CLDN6: variants seen among roughly 807,000 people sequenced by gnomAD.
CLDN6 encodes claudin 6, also known as claudin-6.
For synonymous variants in CLDN6, 144 were observed against 131.2 expected (o/e 1.10, Z -0.67); for missense variants, 279 against 284.1 (o/e 0.98, Z 0.13).
At position 3,017,994 on chromosome 16, in the gene CLDN6, C is replaced by T. The variant is rs374367976; in HGVS notation, c.-22+155G>A. ...GGAGCCCCGAAGGACCCTATCACCT[C>T]GGAGGCTTGGGCGCGGACCGGCCGA... On this transcript the variant is annotated intron_variant, in intron 1 of 1. Coordinates refer to ENST00000328796, the MANE Select transcript of CLDN6 (RefSeq NM_021195.5). Among the ~76,000 whole-genome samples the T allele has an allele frequency of 3.1e-4, 47 of 152,030 alleles. 3 individuals are homozygous for T. The East Asian group carries it at 3.7e-3, about 12-fold the overall frequency.
In CLDN6 at chr16:3,015,632, G is replaced by A; in HGVS notation, c.390C>T (p.Val130=). 6.2e-7 allele frequency: 1 copy of A among 1,613,342 alleles called. No homozygotes were observed. The highest frequency in any genetic ancestry group is 1.3e-5 in the African/African-American group (1 of 75,076). Residue 130 remains valine (V), a synonymous_variant, in exon 2 of 2, where the codon GTC becomes GTT. Transcript: ENST00000328796. ...TCCAGCACACGGGGATTAGCGTCAG[G>A]ACCCCTGAGATGACAAAGACAATCC... ...TSGIVFVISG[V]LTLIPVCWTA... is the part of the protein sequence containing the mutation.
intron 1 of CLDN6, among the ~76,000 whole-genome samples, chr16:3,016,991 G>T (rs546226291): frequency 1.3e-5 from 2 of 151,654 alleles, no homozygotes; most frequent in African/African-American, 4.9e-5. Context: ...CATCAAGTTG[G>T]CCAGGCGGGT....
At chr16:3,016,991 G>A (rs546226291) in intron 1 of CLDN6, among the ~76,000 whole-genome samples, 62 of 151,770 alleles carry the variant, frequency 4.1e-4, no homozygotes, top group Non-Finnish European at 6.6e-4. Flanking sequence ...CATCAAGTTG[G>A]CCAGGCGGGT....
Position 3,015,490 on chromosome 16 carries a change from C to CA in CLDN6, c.531dup (p.Gly178TrpfsTer36). On this transcript the variant is annotated frameshift_variant, in exon 2 of 2. Coordinates refer to ENST00000328796, the MANE Select transcript of CLDN6 (RefSeq NM_021195.5). LOFTEE classifies it low-confidence loss of function (END_TRUNC). ...GGGCAAGTGCAGCACAGCAACCCCC[C>CA]ACCCAGCAACAAAAGGCCTGAGGCC... 1 of 1,609,448 alleles carries CA rather than the reference C, an allele frequency of 6.2e-7. No homozygotes were observed. Among genetic ancestry groups the CA allele is most frequent in the Non-Finnish European group, 8.5e-7 (1 of 1,177,746 alleles).
At chr16:3,017,786 C>A (rs2151125455) in intron 1 of CLDN6, among the ~76,000 whole-genome samples, 1 of 152,058 alleles carries the variant, frequency 6.6e-6, no homozygotes, top group East Asian at 2.0e-4. Context: ...CCCGACCACC[C>A]CAGCCTGGGA....
chr16:3,017,897 CAGGTGG>C (rs565451882), intron 1 of CLDN6, among the ~76,000 whole-genome samples: 109 of 149,352 alleles, frequency 7.3e-4, no homozygotes, highest in African/African-American at 2.2e-3. Context: ...AGAGGCAAGG[CAGGTGG>C]GGGAGGGGCG....
Position 3,015,526 on chromosome 16 carries a change from A to C in CLDN6, c.496T>G (p.Leu166Val), listed in dbSNP as rs767938828. The C allele has an allele frequency of 6.2e-7, 1 of 1,612,732 alleles. No homozygotes were observed. The highest frequency in any genetic ancestry group is 1.7e-5 in the Admixed American group (1 of 59,968). Residue 166 changes from leucine to valine, a missense_variant, in exon 2 of 2, where the codon TTG becomes GTG. Transcript: ENST00000328796. ...AAAAGGCCTGAGGCCGCCCAGCCCA[A>C]GTAGAGGGAGGCCCCCAGCTCCCGC... Reference protein sequence around the residue: ...QKRELGASLYLGWAASGLLLL... With the variant: ...QKRELGASLYVGWAASGLLLL...
In CLDN6 at chr16:3,015,336, C is replaced by A. The variant is rs372194239; in HGVS notation, c.*23G>T. 6.6e-7 allele frequency: 1 copy of A among 1,515,872 alleles called. No individual in the cohort carries two copies. Among genetic ancestry groups the A allele is most frequent in the African/African-American group, 1.4e-5 (1 of 71,754 alleles). 93.9% of individuals were successfully genotyped at this position (1,515,872 alleles called of 1,614,324 possible). A position where few individuals can be genotyped will look rare whatever the true frequency, so the allele number is the denominator to read the frequency against. ...CACTTCTGGATGGCTCTAGCGCCAG[C>A]GGAGCCCCCATTCCCCTCCACGTCA... On this transcript the variant is annotated 3_prime_UTR_variant, in exon 2 of 2. Coordinates refer to ENST00000328796, the MANE Select transcript of CLDN6 (RefSeq NM_021195.5).
Position 3,015,301 on chromosome 16 carries a change from T to C in CLDN6, c.*58A>G. On this transcript the variant is annotated 3_prime_UTR_variant, in exon 2 of 2. Coordinates refer to ENST00000328796, the MANE Select transcript of CLDN6 (RefSeq NM_021195.5). Reference sequence around the variant, plus strand: ...AGGTACGAACCCATCCCAAAGCTGTTGGGCACTGCCACTTCTGGATGGCTC... The same window carrying C: ...AGGTACGAACCCATCCCAAAGCTGTCGGGCACTGCCACTTCTGGATGGCTC... 6.9e-7 allele frequency: 1 copy of C among 1,442,206 alleles called. No individual in the cohort carries two copies. Among genetic ancestry groups the C allele is most frequent in the Non-Finnish European group, 9.3e-7 (1 of 1,070,368 alleles). The allele number at this position is 1,442,206 out of a possible 1,614,324, so 89.3% of individuals were successfully genotyped here.
At chr16:3,017,684 G>C (rs1271436635) in intron 1 of CLDN6, among the ~76,000 whole-genome samples, 1 of 152,020 alleles carries the variant, frequency 6.6e-6, no homozygotes, top group East Asian at 1.9e-4. Context: ...GCTGGTATAG[G>C]CGCCCAGGCC....
rs545074448 is a variant in CLDN6 at position 3,015,173 on chromosome 16, C to G, written c.*186G>C. 4 of 514,458 alleles carry G rather than the reference C, an allele frequency of 7.8e-6. No individual in the cohort carries two copies. The highest frequency in any genetic ancestry group is 1.9e-5 in the African/African-American group (1 of 51,864). 31.9% of individuals were successfully genotyped at this position (514,458 alleles called of 1,614,324 possible). A position where few individuals can be genotyped will look rare whatever the true frequency, so the allele number is the denominator to read the frequency against. On this transcript the variant is annotated 3_prime_UTR_variant, in exon 2 of 2. Transcript: ENST00000328796. ...GGCTCCATCATCCAAGGGTGAGAAA[C>G]AGCAGAGCCTAAGTGAGAGTCTGAG... is the stretch of plus-strand genomic sequence containing the variant.
chr16:3,015,396 C>G lies in CLDN6; in HGVS notation c.626G>C (p.Arg209Pro). ...RYSTSAPAISRGPSEYPTKNY... is the reference protein window; with the variant it reads ...RYSTSAPAISPGPSEYPTKNY... ...CTTGGTAGGGTACTCAGAGGGCCCC[C>G]GAGAGATGGCAGGGGCAGATGTTGA... is the stretch of plus-strand genomic sequence containing the variant. The change falls in exon 2 of 2, where the codon CGG (arginine) becomes CCG (proline). Residue 209 changes from arginine to proline, a missense_variant. Physicochemically the swap from Arg to Pro is moderately radical, Grantham distance 103 (BLOSUM62 -2). Transcript: ENST00000328796. 1.3e-6 allele frequency: 2 copies of G among 1,528,552 alleles called. No individual in the cohort carries two copies. The highest frequency in any genetic ancestry group is 1.8e-6 in the Non-Finnish European group (2 of 1,141,000). 94.7% of individuals were successfully genotyped at this position (1,528,552 alleles called of 1,614,324 possible). A position where few individuals can be genotyped will look rare whatever the true frequency, so the allele number is the denominator to read the frequency against.
At chr16:3,016,388 G>A (rs909625631) in intron 1 of CLDN6, among the ~76,000 whole-genome samples, 1 of 152,206 alleles carries the variant, frequency 6.6e-6, no homozygotes, top group African/African-American at 2.4e-5. Flanking sequence ...GCGGCAAAAA[G>A]CAGGATGACA....
At position 3,014,849 on chromosome 16, in the gene CLDN6, C is replaced by T. The variant is rs1057367137; in HGVS notation, c.*510G>A. On this transcript the variant is annotated 3_prime_UTR_variant, in exon 2 of 2. Transcript: ENST00000328796. ...CTGGGACCTGGCCCTGGGGGGTGGA[C>T]GTCTTATCAGGACGGAGGAAACAGA... The T allele has an allele frequency of 8.0e-5, 26 of 323,700 alleles. No individual in the cohort carries two copies. The highest frequency in any genetic ancestry group is 1.6e-3 in the Middle Eastern group (2 of 1,226). The allele number at this position is 323,700 out of a possible 1,614,324, so 20.1% of individuals were successfully genotyped here. A position where few individuals can be genotyped will look rare whatever the true frequency, so the allele number is the denominator to read the frequency against.
Position 3,015,306 on chromosome 16 carries a change from A to C in CLDN6, c.*53T>G, listed in dbSNP as rs1596468019. 1 of 1,465,754 alleles carries C rather than the reference A, an allele frequency of 6.8e-7. No homozygotes were observed. 90.8% of individuals were successfully genotyped at this position (1,465,754 alleles called of 1,614,324 possible). A position where few individuals can be genotyped will look rare whatever the true frequency, so the allele number is the denominator to read the frequency against. ...CGAACCCATCCCAAAGCTGTTGGGC[A>C]CTGCCACTTCTGGATGGCTCTAGCG... On this transcript the variant is annotated 3_prime_UTR_variant, in exon 2 of 2. Transcript: ENST00000328796.
At position 3,015,633 on chromosome 16, in the gene CLDN6, A is replaced by C. The variant is rs2043042395; in HGVS notation, c.389T>G (p.Val130Gly). Residue 130 changes from valine (V) to glycine (G), a missense_variant, in exon 2 of 2, where the codon GTC (valine) becomes GGC (glycine). By Grantham distance (109) the Val-to-Gly change is moderately radical. Transcript: ENST00000328796. ...TSGIVFVISG[V>G]LTLIPVCWTA... ...CCAGCACACGGGGATTAGCGTCAGG[A>C]CCCCTGAGATGACAAAGACAATCCC... The C allele has an allele frequency of 1.2e-6, 2 of 1,613,174 alleles. No homozygotes were observed. The highest frequency in any genetic ancestry group is 1.7e-6 in the Non-Finnish European group (2 of 1,180,036).
Position 3,015,416 on chromosome 16 carries a change from T to C in CLDN6, c.606A>G (p.Thr202=), listed in dbSNP as rs761856546. 3.3e-6 allele frequency: 5 copies of C among 1,535,828 alleles called. No individual in the cohort carries two copies. In the East Asian group the frequency reaches 9.1e-5, roughly 28 times the overall value. Reference sequence around the variant, plus strand: ...GCCCCCGAGAGATGGCAGGGGCAGATGTTGAGTAGCGGGCCATGTAATGGC... The same window carrying C: ...GCCCCCGAGAGATGGCAGGGGCAGACGTTGAGTAGCGGGCCATGTAATGGC... ...GPSHYMARYS[T]SAPAISRGPS... Residue 202 remains threonine, a synonymous_variant, in exon 2 of 2, where the codon ACA becomes ACG. Coordinates refer to ENST00000328796, the MANE Select transcript of CLDN6 (RefSeq NM_021195.5).
At chr16:3,017,278 C>G (rs896139228) in intron 1 of CLDN6, among the ~76,000 whole-genome samples, 1 of 152,226 alleles carries the variant, frequency 6.6e-6, no homozygotes, top group South Asian at 2.1e-4. Flanking sequence ...TGGCCCCACC[C>G]TTCTGACCTG....
At chr16:3,016,708 C>T (rs1246132031) in intron 1 of CLDN6, among the ~76,000 whole-genome samples, 5 of 146,720 alleles carry the variant, frequency 3.4e-5, no homozygotes, top group East Asian at 2.0e-4. Flanking sequence ...AGTGCAGTGG[C>T]GGGATCTCGG....
Sources: allele counts gnomAD v4.1 joint callset (sites outside exome capture counted in the v4.1 genomes callset), GRCh38; gene constraint gnomAD v4.1.1; transcripts MANE v1.5; gene names NCBI Gene and HGNC (gene_info 2026-07-23, HGNC 2026-07-21).